The following SETD2 variants were observed in gnomAD, a reference collection of about 807,000 sequenced individuals.
SETD2 encodes the protein histone-lysine N-methyltransferase SETD2.
In SETD2, 31 loss-of-function variants were observed where a neutral mutation model predicts 242.1. The observed-to-expected ratio is 0.13, with a 90% CI of 0.10 to 0.17. The LOEUF is 0.17. Among genes scored for constraint, SETD2 ranks in the 10% least tolerant of loss-of-function variants. The pLI, the probability that SETD2 is intolerant of heterozygous loss-of-function variation, is 1.00. For missense variants in SETD2, 2,481 were observed against 3,046.3 expected, an observed-to-expected ratio of 0.81 and a Z score of 4.37; for synonymous variants, 1,006 against 1,066.5, an observed-to-expected ratio of 0.94 and a Z score of 1.11.
intron 1 of SETD2, among the ~76,000 whole-genome samples, 189 bp from the exon 2 acceptor site, chr3:47,126,852 T>G (rs1363995218): frequency 6.6e-6 from 1 of 152,240 alleles, no homozygotes; most frequent in South Asian, 2.1e-4. Context: ...CTCAAGATAG[T>G]GTCACATACT....
chr3:47,163,829 G>A (rs746235057), intron 1 of SETD2, 25 bp downstream of exon 1: 6 of 1,265,860 alleles, frequency 4.7e-6, no homozygotes, highest in Non-Finnish European at 5.0e-6. Context: ...CGACAGCAGC[G>A]GGGGGCCGCG....
At chr3:47,045,292 G>A (rs2107546000) in intron 16 of SETD2, among the ~76,000 whole-genome samples, 1 of 152,150 alleles carries the variant, frequency 6.6e-6, no homozygotes, top group Admixed American at 6.5e-5. Context: ...GGCCAAGGCG[G>A]GTAGATCACG....
intron 9 of SETD2, among the ~76,000 whole-genome samples, chr3:47,088,974 AAATAT>A (rs1263034219): frequency 6.6e-6 from 1 of 152,210 alleles, no homozygotes; most frequent in African/African-American, 2.4e-5. Context: ...TCACTCAATG[AAATAT>A]AATACTACAG....
chr3:47,144,716 C>A (rs1165381613), intron 1 of SETD2, among the ~76,000 whole-genome samples: 7 of 151,966 alleles, frequency 4.6e-5, no homozygotes, highest in Admixed American at 2.0e-4. Context: ...ACCTGTAATC[C>A]CAGCACTTTG....
At chr3:47,114,051 A>G (rs1368678083) in intron 4 of SETD2, 47 bp from the exon 5 acceptor site, 1 of 1,576,120 alleles carries the variant, frequency 6.3e-7, no homozygotes, top group Non-Finnish European at 8.6e-7. Context: ...GCAGCAAAAG[A>G]ACCAAAGTAA....
chr3:47,045,851 C>T (rs1402740189), intron 16 of SETD2, among the ~76,000 whole-genome samples: 1 of 147,970 alleles, frequency 6.8e-6, no homozygotes, highest in Non-Finnish European at 1.5e-5. Context: ...TCTTAGCTCA[C>T]TGCAAGCTCC....
intron 18 of SETD2, among the ~76,000 whole-genome samples, chr3:47,037,237 G>A (rs977612081): frequency 2.7e-5 from 4 of 148,912 alleles, no homozygotes; most frequent in Non-Finnish European, 4.5e-5. Context: ...CCATTAACTC[G>A]TCATTTAGCA....
intron 10 of SETD2, among the ~76,000 whole-genome samples, chr3:47,087,013 C>A (rs2041588592): frequency 6.6e-6 from 1 of 150,528 alleles, no homozygotes; most frequent in Non-Finnish European, 1.5e-5. Flanking sequence ...TGCGTTCCAG[C>A]CTGGGCAACA....
At chr3:47,090,397 T>A (rs1045264577) in intron 9 of SETD2, among the ~76,000 whole-genome samples, 2 of 152,096 alleles carry the variant, frequency 1.3e-5, no homozygotes, top group African/African-American at 4.8e-5. Flanking sequence ...TTTTTTATTT[T>A]TTATTTTTTT....
intron 15 of SETD2, among the ~76,000 whole-genome samples, chr3:47,048,200 T>C (rs1270018183): frequency 6.6e-6 from 1 of 152,088 alleles, no homozygotes; most frequent in Non-Finnish European, 1.5e-5. Context: ...CCATCCTGGC[T>C]AACACGGTGA....
intron 9 of SETD2, among the ~76,000 whole-genome samples, chr3:47,090,416 G>A (rs769014086): frequency 6.6e-5 from 10 of 151,982 alleles, no homozygotes; most frequent in Non-Finnish European, 1.3e-4. Flanking sequence ...TTGAGATGGA[G>A]TTTCGCTCTG....
intron 1 of SETD2, among the ~76,000 whole-genome samples, chr3:47,158,239 G>A (rs1345567804): frequency 6.6e-6 from 1 of 152,140 alleles, no homozygotes; most frequent in African/African-American, 2.4e-5. Context: ...CTTAGTATGT[G>A]CTTCTCAATC....
intron 7 of SETD2, among the ~76,000 whole-genome samples, chr3:47,102,044 G>C (rs2042234448): frequency 6.6e-6 from 1 of 152,168 alleles, no homozygotes; most frequent in Non-Finnish European, 1.5e-5. Context: ...ATGAAGTGGT[G>C]GTCATCTGGC....
At chr3:47,125,178 G>T (rs2043278012) in intron 2 of SETD2, among the ~76,000 whole-genome samples, 1 of 151,948 alleles carries the variant, frequency 6.6e-6, no homozygotes, top group African/African-American at 2.4e-5. Context: ...AATTAGCAGG[G>T]TGTGGCAGCA....
At chr3:47,046,794 C>CT (rs1168415038) in intron 15 of SETD2, 173 bp from the exon 16 acceptor site, 8 of 392,694 alleles carry the variant, frequency 2.0e-5, no homozygotes, top group Admixed American at 4.5e-5. Flanking sequence ...CCCAAAGTTT[C>CT]TTTTTTTACT....
intron 12 of SETD2, 113 bp from the exon 13 acceptor site, chr3:47,067,231 T>G: frequency 1.3e-6 from 1 of 799,144 alleles, no homozygotes; most frequent in Non-Finnish European, 2.1e-6. Flanking sequence ...AAGCTGGTAC[T>G]TATTCTCTAA....
intron 5 of SETD2, among the ~76,000 whole-genome samples, chr3:47,112,719 A>G (rs570043694): frequency 1.3e-5 from 2 of 152,188 alleles, no homozygotes; most frequent in African/African-American, 2.4e-5. Context: ...CCTCCCAGGT[A>G]GCTGGGATTA....
intron 1 of SETD2, among the ~76,000 whole-genome samples, chr3:47,160,501 G>A (rs1238625746): frequency 1.3e-5 from 2 of 150,694 alleles, no homozygotes; most frequent in African/African-American, 2.5e-5. Flanking sequence ...GTAGAGACGA[G>A]GTTTCACCAT....
chr3:47,117,909 G>A (rs903965878), intron 3 of SETD2, among the ~76,000 whole-genome samples: 6 of 152,208 alleles, frequency 3.9e-5, no homozygotes, highest in Admixed American at 2.0e-4. Context: ...ACCAAAGATG[G>A]TCAAAAAAGA....
Sources: gnomAD v4.1 joint callset for allele counts (sites outside exome capture counted in the v4.1 genomes callset) on GRCh38, gnomAD v4.1.1 for gene constraint, MANE v1.5 for transcripts, NCBI Gene and HGNC (gene_info 2026-07-23, HGNC 2026-07-21) for gene names.